NUBPL: variants seen among roughly 807,000 people sequenced by gnomAD.
NUBPL encodes NUBP iron-sulfur cluster assembly factor, mitochondrial.
A neutral mutation model predicts 45.7 loss-of-function variants in NUBPL; 31 were observed. The ratio of observed to expected loss-of-function variants is 0.68; its 90% CI spans 0.51 to 0.92. NUBPL has a LOEUF of 0.92. NUBPL is among the 40% of genes least tolerant of loss of function. The pLI is 0.00. For synonymous variants in NUBPL, 144 were observed against 140.9 expected, an observed-to-expected ratio of 1.02 and a Z score of -0.15; for missense variants, 401 against 398.7, an observed-to-expected ratio of 1.01 and a Z score of -0.05.
At chr14:31,578,894 A>G (rs1233144557) in intron 3 of NUBPL, among the ~76,000 whole-genome samples, 2 of 152,204 alleles carry the variant, frequency 1.3e-5, no homozygotes, top group South Asian at 4.1e-4. Flanking sequence ...TTAAAAGATG[A>G]TTTTATTACT....
At chr14:31,683,496 T>G (rs896067215) in intron 6 of NUBPL, among the ~76,000 whole-genome samples, 2 of 151,638 alleles carry the variant, frequency 1.3e-5, no homozygotes, top group Non-Finnish European at 2.9e-5. Context: ...GTAGCTGGGA[T>G]TACAGGCCAC....
In NUBPL at chr14:31,673,478, T is replaced by A; in HGVS notation, c.423-6T>A. 1.2e-6 allele frequency: 2 copies of A among 1,613,264 alleles called. No homozygotes were observed. Among genetic ancestry groups the A allele is most frequent in the Non-Finnish European group, 1.7e-6 (2 of 1,179,264 alleles). On this transcript the variant is annotated splice_region_variant and splice_polypyrimidine_tract_variant and intron_variant, in intron 5 of 10. Coordinates refer to ENST00000281081, the MANE Select transcript of NUBPL (RefSeq NM_025152.3). The stretch of plus-strand genomic sequence containing the variant: ...AATTAGTTGTATTTTTATGTTACTG[T>A]TGCAGTATGTCTATGGGCTTTCTGG...
chr14:31,642,776 C>G (rs1040821824), intron 4 of NUBPL, among the ~76,000 whole-genome samples: 7 of 151,784 alleles, frequency 4.6e-5, no homozygotes, highest in Non-Finnish European at 1.0e-4. Context: ...TTAATTCTTC[C>G]AATTCATGAG....
intron 6 of NUBPL, among the ~76,000 whole-genome samples, chr14:31,683,465 TCTC>T (rs1434882680): frequency 6.6e-6 from 1 of 150,770 alleles, no homozygotes; most frequent in Admixed American, 6.6e-5. Flanking sequence ...TTCAAGCAGT[TCTC>T]CTGCCTCAGC....
intron 7 of NUBPL, among the ~76,000 whole-genome samples, chr14:31,793,334 C>T (rs769475169): frequency 6.6e-6 from 1 of 152,122 alleles, no homozygotes; most frequent in African/African-American, 2.4e-5. Context: ...GTACTCAAAT[C>T]CTGTGTAATC....
At chr14:31,832,577 A>G (rs1469075923) in intron 8 of NUBPL, among the ~76,000 whole-genome samples, 1 of 152,224 alleles carries the variant, frequency 6.6e-6, no homozygotes, top group Non-Finnish European at 1.5e-5. Flanking sequence ...AGATACTGAC[A>G]AAAGAAATAC....
At chr14:31,608,536 A>G (rs1435071252) in intron 4 of NUBPL, among the ~76,000 whole-genome samples, 1 of 152,202 alleles carries the variant, frequency 6.6e-6, no homozygotes, top group East Asian at 1.9e-4. Flanking sequence ...CCTGGGTGAC[A>G]GAGTGAGACT....
At chr14:31,710,499 G>T (rs1358657450) in intron 6 of NUBPL, among the ~76,000 whole-genome samples, 1 of 152,118 alleles carries the variant, frequency 6.6e-6, no homozygotes, top group Non-Finnish European at 1.5e-5. Context: ...CCTTACTGAC[G>T]CATTCTCGAA....
intron 6 of NUBPL, among the ~76,000 whole-genome samples, chr14:31,711,913 C>T (rs772969819): frequency 8.5e-5 from 13 of 152,076 alleles, no homozygotes; most frequent in Non-Finnish European, 1.8e-4. Context: ...GTTGTTCATC[C>T]CTCCCAGTGG....
At chr14:31,739,255 T>TATATATATATA (rs1462893613) in intron 6 of NUBPL, among the ~76,000 whole-genome samples, 1 of 132,956 alleles carries the variant, frequency 7.5e-6, no homozygotes, top group African/African-American at 2.7e-5. Context: ...TATATATATT[T>TATATATATATA]TTTTTTTTTA....
At chr14:31,691,291 TTAA>T (rs1289411123) in intron 6 of NUBPL, among the ~76,000 whole-genome samples, 1 of 152,264 alleles carries the variant, frequency 6.6e-6, no homozygotes, top group Non-Finnish European at 1.5e-5. Flanking sequence ...TTTCTCTTCC[TTAA>T]TAACATTTTC....
At chr14:31,610,698 A>G (rs1196386734) in intron 4 of NUBPL, among the ~76,000 whole-genome samples, 1 of 151,992 alleles carries the variant, frequency 6.6e-6, no homozygotes, top group Non-Finnish European at 1.5e-5. Context: ...AATACTAGGA[A>G]ACCAAATTCA....
intron 10 of NUBPL, among the ~76,000 whole-genome samples, chr14:31,856,233 G>A (rs1399668858): frequency 6.6e-6 from 1 of 152,122 alleles, no homozygotes; most frequent in Non-Finnish European, 1.5e-5. Flanking sequence ...GCTTGTGCAA[G>A]TAGACTCCCA....
intron 7 of NUBPL, among the ~76,000 whole-genome samples, chr14:31,792,051 C>A (rs968942667): frequency 1.3e-5 from 2 of 152,108 alleles, no homozygotes; most frequent in Non-Finnish European, 2.9e-5. Flanking sequence ...AACACAATTA[C>A]AGTAGATCAT....
chr14:31,813,470 C>CATAT (rs1476472581), intron 7 of NUBPL, among the ~76,000 whole-genome samples: 6 of 150,194 alleles, frequency 4.0e-5, no homozygotes, highest in Admixed American at 6.7e-5. Context: ...CACACACATA[C>CATAT]ATACATATAT....
intron 4 of NUBPL, among the ~76,000 whole-genome samples, chr14:31,645,780 C>A (rs1215791968): frequency 7.4e-6 from 1 of 135,336 alleles, no homozygotes; most frequent in Admixed American, 7.4e-5. Flanking sequence ...TTACACCCCC[C>A]CCCCCACATT....
chr14:31,627,215 C>T (rs2035226421), intron 4 of NUBPL, among the ~76,000 whole-genome samples: 1 of 151,880 alleles, frequency 6.6e-6, no homozygotes, highest in South Asian at 2.1e-4. Flanking sequence ...TTTTTAATTT[C>T]CCCGCTTTAC....
At chr14:31,802,870 G>A (rs2039619244) in intron 7 of NUBPL, among the ~76,000 whole-genome samples, 1 of 152,156 alleles carries the variant, frequency 6.6e-6, no homozygotes, top group African/African-American at 2.4e-5. Flanking sequence ...GATGAGATAG[G>A]AGTTTTAAAT....
chr14:31,728,831 T>C (rs2037983103), intron 6 of NUBPL, among the ~76,000 whole-genome samples: 1 of 152,224 alleles, frequency 6.6e-6, no homozygotes, highest in African/African-American at 2.4e-5. Context: ...AAGCCAAAGT[T>C]ATTATCTAAT....
Sources: gnomAD v4.1 joint callset for allele counts (sites outside exome capture counted in the v4.1 genomes callset) on GRCh38, gnomAD v4.1.1 for gene constraint, MANE v1.5 for transcripts, NCBI Gene and HGNC (gene_info 2026-07-23, HGNC 2026-07-21) for gene names.